GSE1: variants seen among roughly 807,000 people sequenced by gnomAD.
GSE1 encodes Gse1 coiled-coil protein.
In GSE1, 32 loss-of-function variants were observed where a neutral mutation model predicts 112.6. The ratio of observed to expected loss-of-function variants is 0.28; its 90% CI spans 0.21 to 0.38. GSE1 has a LOEUF of 0.38. GSE1 is among the 10% of genes least tolerant of loss of function. The pLI, the probability that GSE1 is intolerant of heterozygous loss-of-function variation, is 1.00. For synonymous variants in GSE1, 1,115 were observed against 735.6 expected, an observed-to-expected ratio of 1.52 and a Z score of -8.35; for missense variants, 2,348 against 1,699.2, an observed-to-expected ratio of 1.38 and a Z score of -6.71.
chr16:85,642,945 A>T (rs982945483), intron 2 of GSE1, among the ~76,000 whole-genome samples: 6 of 151,844 alleles, frequency 4.0e-5, no homozygotes, highest in Admixed American at 3.3e-4. Flanking sequence ...TGCGCTGGAG[A>T]GTGGTCCTGT....
chr16:85,286,084 C>T (rs1742037113), intron 1 of GSE1: 1 of 152,346 alleles, frequency 6.6e-6, no homozygotes, highest in African/African-American at 2.4e-5. Flanking sequence ...CTCCCCGGTC[C>T]CGAGCTGCTG....
intron 2 of GSE1, among the ~76,000 whole-genome samples, chr16:85,507,830 A>G (rs1187071216): frequency 6.6e-6 from 1 of 152,162 alleles, no homozygotes; most frequent in African/African-American, 2.4e-5. Flanking sequence ...ATCAGCCTAT[A>G]ATAGGTGTCA....
intron 1 of GSE1, among the ~76,000 whole-genome samples, chr16:85,597,131 A>G (rs1025492860): frequency 6.6e-6 from 1 of 151,438 alleles, no homozygotes; most frequent in Non-Finnish European, 1.5e-5. Context: ...GGCGCCCGCC[A>G]CCATGCCCGG....
At chr16:85,198,758 A>C (rs139644276) in intron 1 of GSE1, among the ~76,000 whole-genome samples, 1 of 152,186 alleles carries the variant, frequency 6.6e-6, no homozygotes, top group Non-Finnish European at 1.5e-5. Context: ...GTTTTGAGAA[A>C]ATATGAGCTA....
chr16:85,615,825 G>T (rs1326516971), intron 1 of GSE1, among the ~76,000 whole-genome samples: 1 of 152,230 alleles, frequency 6.6e-6, no homozygotes, highest in African/African-American at 2.4e-5. Context: ...ACAGCCTCTG[G>T]GTTCCTGACC....
intron 1 of GSE1, among the ~76,000 whole-genome samples, chr16:85,256,664 C>T (rs1024899713): frequency 1.3e-5 from 2 of 152,280 alleles, no homozygotes; most frequent in Non-Finnish European, 2.9e-5. Flanking sequence ...ACACACCCAC[C>T]AGCTCAGACC....
At chr16:85,436,457 C>T (rs908328388) in intron 2 of GSE1, among the ~76,000 whole-genome samples, 1 of 152,248 alleles carries the variant, frequency 6.6e-6, no homozygotes, top group Admixed American at 6.5e-5. Context: ...TGCCCTCTCC[C>T]TGGTTGATCT....
intron 2 of GSE1, among the ~76,000 whole-genome samples, chr16:85,499,459 C>T (rs144568695): frequency 0.029 from 4,334 of 151,840 alleles, 253 homozygotes; most frequent in East Asian, 0.27. Context: ...TACAGGCACC[C>T]GCCACCACGC....
At chr16:85,304,609 T>TGGGGGG (rs34644508) in intron 1 of GSE1, among the ~76,000 whole-genome samples, 4 of 110,938 alleles carry the variant, frequency 3.6e-5, no homozygotes, top group Non-Finnish European at 3.7e-5. Flanking sequence ...GGCGGGGGGG[T>TGGGGGG]GGGGCATCCC....
chr16:85,303,698 C>T (rs972615471), intron 1 of GSE1, among the ~76,000 whole-genome samples: 2 of 152,242 alleles, frequency 1.3e-5, no homozygotes, highest in African/African-American at 2.4e-5. Context: ...AGGAGCCGGG[C>T]GCTGGGGCCA....
At chr16:85,655,518 C>T (rs964757524) in intron 5 of GSE1, among the ~76,000 whole-genome samples, 1 of 152,206 alleles carries the variant, frequency 6.6e-6, no homozygotes, top group African/African-American at 2.4e-5. Context: ...GCAGGCGGCG[C>T]CCTGGAACCC....
intron 1 of GSE1, among the ~76,000 whole-genome samples, chr16:85,257,430 A>G (rs772166024): frequency 2.6e-5 from 4 of 152,172 alleles, no homozygotes; most frequent in African/African-American, 9.7e-5. Context: ...ATTTTCTACC[A>G]TATTTCCCCA....
intron 2 of GSE1, among the ~76,000 whole-genome samples, chr16:85,646,887 C>T (rs1471114848): frequency 1.8e-5 from 2 of 113,588 alleles, no homozygotes; most frequent in Non-Finnish European, 4.2e-5. Flanking sequence ...TTGATCCCCA[C>T]AACAAGGGGG....
At chr16:85,611,316 C>CT (rs1169320856), upstream of GSE1, 8 of 153,592 alleles carry the variant, frequency 5.2e-5, no homozygotes, top group Non-Finnish European at 8.5e-5. Context: ...GCCCCTCCCC[C>CT]TCCCCCTCCC....
Position 85,661,755 on chromosome 16 carries a change from C to G in GSE1, c.2250C>G (p.Ala750=), listed in dbSNP as rs1489339307. The G allele has an allele frequency of 6.5e-7, 1 of 1,528,978 alleles. No homozygotes were observed. Among genetic ancestry groups the G allele is most frequent in the Non-Finnish European group, 8.8e-7 (1 of 1,134,418 alleles). The allele number at this position is 1,528,978 out of a possible 1,614,324, so 94.7% of individuals were successfully genotyped here. A position where few individuals can be genotyped will look rare whatever the true frequency, so the allele number is the denominator to read the frequency against. Residue 750 remains alanine, a synonymous_variant, in exon 9 of 16, where the codon GCC becomes GCG. Coordinates refer to ENST00000253458, the MANE Select transcript of GSE1 (RefSeq NM_014615.5). ...LDLEERRRRE[A]QEKGYYYDLD... Reference sequence around the variant, plus strand: ...TGGAGGAGCGCAGGCGGCGGGAGGCCCAGGAGAAAGGTCTGCCTCCCCGCG... The same window carrying G: ...TGGAGGAGCGCAGGCGGCGGGAGGCGCAGGAGAAAGGTCTGCCTCCCCGCG...
At chr16:85,444,900 C>T (rs1272778554) in intron 2 of GSE1, among the ~76,000 whole-genome samples, 2 of 152,304 alleles carry the variant, frequency 1.3e-5, no homozygotes, top group African/African-American at 2.4e-5. Context: ...GCCCATGCCC[C>T]TTCCCGCGGC....
Position 85,461,589 on chromosome 16 carries a change from T to C in GSE1, c.2464+103946T>C, listed in dbSNP as rs542912246. 3.3e-5 allele frequency among the ~76,000 whole-genome samples: 5 copies of C among 152,228 alleles called. No individual in the cohort carries two copies. The South Asian group carries it at 8.3e-4, about 25-fold the overall frequency. On this transcript the variant is annotated intron_variant, in intron 2 of 2. Transcript: ENST00000637419. ...GGGGTTCGAGACCCCCTGGTGTACA[T>C]GGTTGTTTCTCAAACTTGACTTGTC... is the stretch of plus-strand genomic sequence containing the variant.
chr16:85,575,748 A>C (rs1200214565), intron 1 of GSE1, among the ~76,000 whole-genome samples: 2 of 152,216 alleles, frequency 1.3e-5, no homozygotes, highest in Non-Finnish European at 2.9e-5. Context: ...TTGAACTGTC[A>C]TTAATAGTAT....
At chr16:85,394,275 A>C (rs73259316) in intron 2 of GSE1, among the ~76,000 whole-genome samples, 10,455 of 152,172 alleles carry the variant, frequency 0.069, 404 homozygotes, top group East Asian at 0.15. Flanking sequence ...TAGGCCTGGC[A>C]CTCACAAAGT....
Sources: gnomAD v4.1 joint callset for allele counts (sites outside exome capture counted in the v4.1 genomes callset) on GRCh38, gnomAD v4.1.1 for gene constraint, MANE v1.5 for transcripts, NCBI Gene and HGNC (gene_info 2026-07-23, HGNC 2026-07-21) for gene names.